CABCOCO1: variants seen among roughly 807,000 people sequenced by gnomAD.
CABCOCO1 encodes the protein ciliary associated calcium binding coiled-coil 1, also known as ciliary-associated calcium-binding coiled-coil protein 1.
CABCOCO1 carries 28 observed loss-of-function variants against 35.7 expected under a neutral mutation model. That is an observed-to-expected ratio of 0.78 (90% CI 0.58 to 1.07). CABCOCO1 has a LOEUF of 1.07. CABCOCO1 is among the 50% of genes least tolerant of loss of function. The pLI is 0.00. For synonymous variants in CABCOCO1, 95 were observed against 100.1 expected, an observed-to-expected ratio of 0.95 and a Z score of 0.30; for missense variants, 326 against 309.2, an observed-to-expected ratio of 1.05 and a Z score of -0.41.
intron 1 of CABCOCO1, among the ~76,000 whole-genome samples, chr10:61,669,019 G>GAAAAAAAAAAAAAAAA (rs1564528055): frequency 2.8e-5 from 1 of 35,684 alleles, no homozygotes. Flanking sequence ...TAAGGGTTGG[G>GAAAAAAAAAAAAAAAA]GAAAAAAAAA....
intron 2 of CABCOCO1, 74 bp downstream of exon 2, chr10:61,672,809 A>G: frequency 1.1e-6 from 1 of 877,264 alleles, no homozygotes; most frequent in Non-Finnish European, 1.4e-6. Flanking sequence ...TTGTGATTAC[A>G]TGTATAAGCT....
intron 5 of CABCOCO1, among the ~76,000 whole-genome samples, chr10:61,691,481 C>G (rs1258540758): frequency 6.6e-6 from 1 of 151,984 alleles, no homozygotes; most frequent in Non-Finnish European, 1.5e-5. Context: ...CATGTTTTTA[C>G]TTTATTTTGT....
In CABCOCO1 at chr10:61,766,617, A is replaced by T. The variant is rs1011684053; in HGVS notation, c.*604A>T. ...TTTGAAGCACTTTAATTTATTCTGT[A>T]CTGTATTTGTTATTTCTAATCTTGT... On this transcript the variant is annotated 3_prime_UTR_variant, in exon 8 of 8. Coordinates refer to ENST00000648843, the MANE Select transcript of CABCOCO1 (RefSeq NM_001366906.2). 63 of 151,888 alleles carry T rather than the reference A, an allele frequency of 4.1e-4. No homozygotes were observed. The highest frequency in any genetic ancestry group is 1.4e-3 in the African/African-American group (60 of 41,430). 9.4% of individuals were successfully genotyped at this position (151,888 alleles called of 1,614,324 possible). A position where few individuals can be genotyped will look rare whatever the true frequency, so the allele number is the denominator to read the frequency against.
intron 5 of CABCOCO1, among the ~76,000 whole-genome samples, chr10:61,743,154 T>C (rs1841585971): frequency 6.6e-6 from 1 of 152,192 alleles, no homozygotes; most frequent in African/African-American, 2.4e-5. Flanking sequence ...TTAATTACAT[T>C]AATCAAGCAG....
In CABCOCO1 at chr10:61,766,128, A is replaced by G; in HGVS notation, c.*115A>G. On this transcript the variant is annotated 3_prime_UTR_variant, in exon 8 of 8. Coordinates refer to ENST00000648843, the MANE Select transcript of CABCOCO1 (RefSeq NM_001366906.2). ...TCACTTAGTTGTGAAAGGAAAACCA[A>G]GCCCCACTTTTTATTTTCCTAAGTA... 1.1e-6 allele frequency: 1 copy of G among 941,586 alleles called. No homozygotes were observed. Among genetic ancestry groups the G allele is most frequent in the Admixed American group, 2.9e-5 (1 of 35,040 alleles). The allele number at this position is 941,586 out of a possible 1,614,324, so 58.3% of individuals were successfully genotyped here.
chr10:61,674,680 C>A (rs1839456857), intron 2 of CABCOCO1, among the ~76,000 whole-genome samples: 1 of 152,104 alleles, frequency 6.6e-6, no homozygotes, highest in Non-Finnish European at 1.5e-5. Context: ...AAGAAATCAG[C>A]ACATTTCCCT....
rs1380683288 is a variant in CABCOCO1, at chr10:61,681,242, A to C, written c.264A>C (p.Gly88=). The C allele has an allele frequency of 1.3e-6, 2 of 1,572,614 alleles. No homozygotes were observed. The highest frequency in any genetic ancestry group is 3.6e-5 in the Admixed American group (2 of 55,356). Residue 88 remains glycine (G), a synonymous_variant, in exon 3 of 8, where the codon GGA becomes GGC. Coordinates refer to ENST00000648843, the MANE Select transcript of CABCOCO1 (RefSeq NM_001366906.2). Reference sequence around the variant, plus strand: ...TATCTGGATTTTTGTGGGCTAGAGGAATGGATTTCTCTATTATTCAGTATT... The same window carrying C: ...TATCTGGATTTTTGTGGGCTAGAGGCATGGATTTCTCTATTATTCAGTATT... ...YYVSGFLWAR[G]MDFSIIQYSK...
intron 5 of CABCOCO1, among the ~76,000 whole-genome samples, chr10:61,719,915 C>A (rs1589139240): frequency 5.7e-5 from 5 of 87,960 alleles, no homozygotes; most frequent in East Asian, 7.8e-4. Flanking sequence ...AGTGAGACTC[C>A]ATCTCAAAAA....
At chr10:61,729,280 G>T (rs79223437) in intron 5 of CABCOCO1, among the ~76,000 whole-genome samples, 129 of 152,128 alleles carry the variant, frequency 8.5e-4, no homozygotes, top group African/African-American at 2.4e-3. Context: ...AGTAATTGTT[G>T]TTGTGCTTTC....
intron 5 of CABCOCO1, among the ~76,000 whole-genome samples, chr10:61,744,452 C>G (rs1841613100): frequency 6.6e-6 from 1 of 152,048 alleles, no homozygotes; most frequent in African/African-American, 2.4e-5. Flanking sequence ...GATTACTACC[C>G]TGTAATTTAC....
intron 5 of CABCOCO1, among the ~76,000 whole-genome samples, chr10:61,716,793 A>AT (rs1245136740): frequency 6.6e-6 from 1 of 152,236 alleles, no homozygotes; most frequent in African/African-American, 2.4e-5. Flanking sequence ...TGCCTTGCAA[A>AT]TATGAGATGC....
At chr10:61,689,142 T>C (rs991135407) in intron 4 of CABCOCO1, among the ~76,000 whole-genome samples, 6 of 152,238 alleles carry the variant, frequency 3.9e-5, no homozygotes, top group Non-Finnish European at 5.9e-5. Context: ...GGAAATTTTA[T>C]GCCGGTTCAC....
intron 5 of CABCOCO1, among the ~76,000 whole-genome samples, chr10:61,728,583 A>C (rs1365263479): frequency 6.6e-6 from 1 of 152,194 alleles, no homozygotes; most frequent in Non-Finnish European, 1.5e-5. Context: ...TGAGATTAAG[A>C]GGAATTACTA....
At chr10:61,682,353 T>A (rs542956737) in intron 3 of CABCOCO1, among the ~76,000 whole-genome samples, 40 of 151,322 alleles carry the variant, frequency 2.6e-4, no homozygotes, top group South Asian at 1.3e-3. Context: ...GCAGAAAAAA[T>A]TTTTTTTAAA....
intron 5 of CABCOCO1, among the ~76,000 whole-genome samples, chr10:61,732,312 C>A (rs1841321352): frequency 6.6e-6 from 1 of 151,960 alleles, no homozygotes; most frequent in African/African-American, 2.4e-5. Flanking sequence ...ATTTAGAGAA[C>A]TCCTTTGCTT....
chr10:61,718,270 A>T (rs1404567635), intron 5 of CABCOCO1, among the ~76,000 whole-genome samples: 1 of 152,144 alleles, frequency 6.6e-6, no homozygotes, highest in Non-Finnish European at 1.5e-5. Flanking sequence ...ATTTGTGTCC[A>T]TGAACATTAT....
chr10:61,760,882 G>A lies in CABCOCO1; in HGVS notation c.695G>A (p.Gly232Asp). Residue 232 changes from glycine to aspartate, a missense_variant, in exon 7 of 8, where the codon GGC becomes GAC. Gly to Asp is a moderately conservative substitution (Grantham distance 94). Coordinates refer to ENST00000648843, the MANE Select transcript of CABCOCO1 (RefSeq NM_001366906.2). Reference protein sequence around the residue: ...TEMKRLDQEQGPEESQPETDT... With the variant: ...TEMKRLDQEQDPEESQPETDT... ...TTCTAGAGGTTGGATCAAGAACAAG[G>A]CCCTGAGGAGTCTCAGCCAGAAACT... is the stretch of plus-strand genomic sequence containing the variant. 1.9e-6 allele frequency: 3 copies of A among 1,612,444 alleles called. No individual in the cohort carries two copies. Among genetic ancestry groups the A allele is most frequent in the Non-Finnish European group, 2.5e-6 (3 of 1,179,052 alleles).
At chr10:61,715,085 T>C (rs1840828414) in intron 5 of CABCOCO1, among the ~76,000 whole-genome samples, 1 of 152,192 alleles carries the variant, frequency 6.6e-6, no homozygotes, top group Admixed American at 6.5e-5. Flanking sequence ...TTCTATCTCG[T>C]TGATCTGTCT....
intron 2 of CABCOCO1, among the ~76,000 whole-genome samples, chr10:61,678,343 G>T (rs1839587736): frequency 6.6e-6 from 1 of 152,068 alleles, no homozygotes; most frequent in South Asian, 2.1e-4. Flanking sequence ...TAAACATTGA[G>T]AAATATATCT....
Sources: allele counts gnomAD v4.1 joint callset (sites outside exome capture counted in the v4.1 genomes callset), GRCh38; gene constraint gnomAD v4.1.1; transcripts MANE v1.5; gene names NCBI Gene and HGNC (gene_info 2026-07-23, HGNC 2026-07-21).